Variants in TLE4 observed in about 807,000 individuals in gnomAD.
The protein encoded by TLE4 is transducin-like enhancer protein 4.
Under a neutral mutation model 92.8 loss-of-function variants are expected in TLE4, and 8 were observed. The ratio of observed to expected loss-of-function variants is 0.09; its 90% CI spans 0.05 to 0.16. TLE4 has a LOEUF of 0.16. TLE4 is among the 10% of genes least tolerant of loss of function. The pLI, the probability that TLE4 is intolerant of heterozygous loss-of-function variation, is 1.00. For synonymous variants in TLE4, 371 were observed against 374.1 expected, an observed-to-expected ratio of 0.99 and a Z score of 0.10; for missense variants, 675 against 997.6, an observed-to-expected ratio of 0.68 and a Z score of 4.36.
chr9:79,628,590 A>C (rs532473158), intron 6 of TLE4, among the ~76,000 whole-genome samples: 29 of 151,778 alleles, frequency 1.9e-4, no homozygotes, highest in African/African-American at 4.3e-4. Flanking sequence ...CAAAAAAAAA[A>C]CCAAAAAAAC....
chr9:79,590,822 T>A (rs2042362607), intron 4 of TLE4, among the ~76,000 whole-genome samples: 1 of 152,230 alleles, frequency 6.6e-6, no homozygotes, highest in Non-Finnish European at 1.5e-5. Context: ...CAAATTAACT[T>A]TCTAAACTGA....
intron 4 of TLE4, among the ~76,000 whole-genome samples, chr9:79,584,016 CAGGG>C (rs1279390186): frequency 6.6e-6 from 1 of 152,162 alleles, no homozygotes; most frequent in Non-Finnish European, 1.5e-5. Flanking sequence ...GTGTCACAGT[CAGGG>C]AGGATCAGCA....
At chr9:79,594,211 A>G (rs1424185811) in intron 4 of TLE4, among the ~76,000 whole-genome samples, 2 of 152,208 alleles carry the variant, frequency 1.3e-5, no homozygotes, top group East Asian at 1.9e-4. Flanking sequence ...CTGTTTCTGT[A>G]GGTCTGGGTT....
intron 6 of TLE4, among the ~76,000 whole-genome samples, chr9:79,638,041 G>T (rs2056340304): frequency 6.6e-6 from 1 of 152,136 alleles, no homozygotes; most frequent in African/African-American, 2.4e-5. Context: ...GCAGCGTGGG[G>T]ACACATTCTA....
chr9:79,635,826 C>T (rs940222612), intron 6 of TLE4, among the ~76,000 whole-genome samples: 2 of 152,110 alleles, frequency 1.3e-5, no homozygotes, highest in Non-Finnish European at 2.9e-5. Flanking sequence ...TCCTGTTCTT[C>T]CTTGCCCTTT....
chr9:79,575,192 GA>G (rs906101369), intron 3 of TLE4, among the ~76,000 whole-genome samples: 289 of 151,340 alleles, frequency 1.9e-3, no homozygotes, highest in African/African-American at 6.2e-3. Flanking sequence ...TTTACAGATC[GA>G]AAAAAAATAA....
chr9:79,603,082 T>C (rs549411689), intron 4 of TLE4, among the ~76,000 whole-genome samples: 2 of 152,252 alleles, frequency 1.3e-5, no homozygotes, highest in Middle Eastern at 3.4e-3. Flanking sequence ...AGTTGCTGCT[T>C]ATGGATGAGC....
At chr9:79,609,925 G>C (rs942249514) in intron 4 of TLE4, among the ~76,000 whole-genome samples, 2 of 151,986 alleles carry the variant, frequency 1.3e-5, no homozygotes, top group African/African-American at 4.8e-5. Context: ...TCAAAGACTG[G>C]GAATATATTG....
chr9:79,661,875 C>T (rs1042373448), intron 8 of TLE4, among the ~76,000 whole-genome samples: 1 of 152,106 alleles, frequency 6.6e-6, no homozygotes, highest in African/African-American at 2.4e-5. Flanking sequence ...ATAAGAAATT[C>T]CCGCTCATTT....
At chr9:79,688,813 T>G (rs1244888201) in intron 8 of TLE4, among the ~76,000 whole-genome samples, 1 of 152,098 alleles carries the variant, frequency 6.6e-6, no homozygotes, top group Non-Finnish European at 1.5e-5. Context: ...TCTGTTTTCT[T>G]CCATCTCATC....
chr9:79,659,519 TTGAAA>T (rs2060235107), intron 8 of TLE4, among the ~76,000 whole-genome samples: 1 of 152,182 alleles, frequency 6.6e-6, no homozygotes, highest in Non-Finnish European at 1.5e-5. Flanking sequence ...ATTGGTTTAC[TTGAAA>T]TGAGATTCGA....
chr9:79,591,676 C>A (rs2042559930), intron 4 of TLE4, among the ~76,000 whole-genome samples: 1 of 151,990 alleles, frequency 6.6e-6, no homozygotes, highest in Non-Finnish European at 1.5e-5. Flanking sequence ...GGAAGTAGAA[C>A]TGGAAAGGAG....
chr9:79,608,869 A>C (rs2047704951), intron 4 of TLE4, among the ~76,000 whole-genome samples: 1 of 152,086 alleles, frequency 6.6e-6, no homozygotes, highest in African/African-American at 2.4e-5. Flanking sequence ...TTTTAAAATA[A>C]AATTTATGTC....
chr9:79,721,631 G>C (rs1336741098), intron 16 of TLE4, 110 bp from the exon 17 acceptor site: 1 of 1,494,338 alleles, frequency 6.7e-7, no homozygotes, highest in Non-Finnish European at 9.0e-7. Flanking sequence ...AAACCAAAAT[G>C]AAATCTACAA....
chr9:79,603,687 G>T (rs1314516656), intron 4 of TLE4, among the ~76,000 whole-genome samples: 1 of 152,172 alleles, frequency 6.6e-6, no homozygotes. Flanking sequence ...TGAACCCACA[G>T]TATCTCTTGT....
chr9:79,628,316 T>C (rs1247482312), intron 6 of TLE4, among the ~76,000 whole-genome samples: 1 of 152,146 alleles, frequency 6.6e-6, no homozygotes, highest in African/African-American at 2.4e-5. Flanking sequence ...CAAAAGTCTT[T>C]TTTTTTTCTG....
intron 11 of TLE4, chr9:79,707,235 G>A (rs764910284): frequency 1.9e-6 from 3 of 1,599,714 alleles, no homozygotes; most frequent in Non-Finnish European, 2.6e-6. Context: ...TTAGTTTGGG[G>A]CTTGAATGTG....
intron 8 of TLE4, among the ~76,000 whole-genome samples, chr9:79,661,000 T>C (rs982312843): frequency 2.0e-5 from 3 of 152,250 alleles, no homozygotes; most frequent in Admixed American, 6.5e-5. Context: ...TCCCTCTTAG[T>C]TATTAGACAT....
chr9:79,609,038 A>C (rs2047746508), intron 4 of TLE4, among the ~76,000 whole-genome samples: 1 of 152,072 alleles, frequency 6.6e-6, no homozygotes, highest in East Asian at 1.9e-4. Flanking sequence ...TAAAGGAAAT[A>C]TGTATTTGGT....
Sources: gnomAD v4.1 joint callset for allele counts (sites outside exome capture counted in the v4.1 genomes callset) on GRCh38, gnomAD v4.1.1 for gene constraint, MANE v1.5 for transcripts, NCBI Gene and HGNC (gene_info 2026-07-23, HGNC 2026-07-21) for gene names.